PWWP2A: variants seen among roughly 807,000 people sequenced by gnomAD.
PWWP2A encodes PWWP domain containing 2A, also known as PWWP domain-containing protein 2A.
PWWP2A carries 18 observed loss-of-function variants against 48.5 expected under a neutral mutation model. The ratio of observed to expected loss-of-function variants is 0.37; its 90% CI spans 0.26 to 0.55. PWWP2A has a LOEUF of 0.55. PWWP2A is among the 20% of genes least tolerant of loss of function. The probability of loss-of-function intolerance (pLI) is 0.81; values close to 1 mark genes in which losing one functional copy is unlikely to be tolerated. For synonymous variants in PWWP2A, 396 were observed against 387.7 expected, an observed-to-expected ratio of 1.02 and a Z score of -0.25; for missense variants, 867 against 976.4, an observed-to-expected ratio of 0.89 and a Z score of 1.49.
chr5:160,048,646 TA>T, the PWWP2A span, among the ~76,000 whole-genome samples: 4 of 152,174 alleles, frequency 2.6e-5, no homozygotes, highest in Non-Finnish European at 5.9e-5. Context: ...AGGATTTAAC[TA>T]GAAATATAAT....
chr5:160,098,841 G>A (rs1270594824), intron 1 of PWWP2A, among the ~76,000 whole-genome samples: 3 of 152,072 alleles, frequency 2.0e-5, no homozygotes, highest in Admixed American at 1.3e-4. Flanking sequence ...GGTGGTGCAC[G>A]CCTGTAATCC....
chr5:160,113,393 G>A (rs1757789119), intron 1 of PWWP2A: 1 of 918,272 alleles, frequency 1.1e-6, no homozygotes, highest in South Asian at 5.0e-5. Context: ...CAGACTCTTA[G>A]TCATCCACAC....
At position 160,099,079 on chromosome 5, in the gene PWWP2A, T is replaced by C. The variant is rs554799303; in HGVS notation, c.585-5014A>G. On this transcript the variant is annotated intron_variant, in intron 1 of 1. Coordinates refer to ENST00000307063, the MANE Select transcript of PWWP2A (RefSeq NM_001130864.2). Reference sequence around the variant, plus strand: ...AAACATAAATCATAAAACTTTCCTATAGTGGAACTGGAATCTGATATTTTA... The same window carrying C: ...AAACATAAATCATAAAACTTTCCTACAGTGGAACTGGAATCTGATATTTTA... Among the ~76,000 whole-genome samples the C allele has an allele frequency of 3.3e-4, 51 of 152,388 alleles. 1 individual carries two copies. The South Asian group carries it at 9.3e-3, about 28-fold the overall frequency.
the PWWP2A span, among the ~76,000 whole-genome samples, chr5:160,053,418 G>C: frequency 6.6e-6 from 1 of 152,052 alleles, no homozygotes; most frequent in African/African-American, 2.4e-5. Flanking sequence ...AAAAAAATTA[G>C]CCAGGTGTGC....
intron 1 of PWWP2A, among the ~76,000 whole-genome samples, chr5:160,107,838 TAAA>T (rs1561694953): frequency 1.3e-5 from 2 of 152,060 alleles, no homozygotes; most frequent in African/African-American, 4.8e-5. Context: ...CTGTCTCTAC[TAAA>T]AATACAAAAA....
chr5:160,106,279 T>C (rs991087924), intron 1 of PWWP2A, among the ~76,000 whole-genome samples: 1 of 152,236 alleles, frequency 6.6e-6, no homozygotes, highest in African/African-American at 2.4e-5. Context: ...TTATCTACCA[T>C]TTACAATTTT....
chr5:160,069,235 A>T (rs1753686609), intron 2 of PWWP2A, among the ~76,000 whole-genome samples: 2 of 151,994 alleles, frequency 1.3e-5, no homozygotes, highest in African/African-American at 4.8e-5. Context: ...CAGTGAACTG[A>T]GATCATGCCA....
At chr5:160,095,671 A>C (rs1026583916) in intron 1 of PWWP2A, among the ~76,000 whole-genome samples, 1 of 145,228 alleles carries the variant, frequency 6.9e-6, no homozygotes, top group African/African-American at 2.5e-5. Context: ...CAGTGCTCAG[A>C]TTCTCCGAAA....
the PWWP2A span, chr5:160,049,641 T>G: frequency 3.8e-6 from 6 of 1,587,198 alleles, no homozygotes; most frequent in Non-Finnish European, 5.1e-6. Context: ...CATCAATACA[T>G]CAAGCAAGAG....
chr5:160,093,833 G>T lies in PWWP2A; in HGVS notation c.817C>A (p.Pro273Thr). The T allele has an allele frequency of 6.2e-7, 1 of 1,614,042 alleles. No individual in the cohort carries two copies. Among genetic ancestry groups the T allele is most frequent in the Non-Finnish European group, 8.5e-7 (1 of 1,179,884 alleles). ...GTGTCCCTGATAAACAAAGGGGGAG[G>T]ATAAGGTGCTCCTTCATGGAAGAGA... ...PPLFHEGAPY[P>T]PPLFIRDTYN... is the part of the protein sequence containing the mutation. Residue 273 changes from proline (P) to threonine (T), a missense_variant, in exon 2 of 2, where the codon CCT (proline) becomes ACT (threonine). By Grantham distance (38) the Pro-to-Thr change is conservative. Coordinates refer to ENST00000307063, the MANE Select transcript of PWWP2A (RefSeq NM_001130864.2). This position sits in a 1 kb window ranked among gnomAD's most constrained non-coding sequence, Gnocchi z 5.8.
At chr5:160,054,623 A>G in the PWWP2A span, among the ~76,000 whole-genome samples, 2 of 152,140 alleles carry the variant, frequency 1.3e-5, no homozygotes, top group Non-Finnish European at 2.9e-5. Flanking sequence ...GAAAGAAAAA[A>G]GAAAAGAAAA....
downstream of PWWP2A, among the ~76,000 whole-genome samples, chr5:160,073,229 CTT>C (rs749893279): frequency 2.7e-5 from 1 of 37,192 alleles, no homozygotes; most frequent in Non-Finnish European, 6.8e-5. Context: ...AAAAACATTT[CTT>C]TTTTTTTTTT....
At chr5:160,111,390 A>G (rs1581270186) in intron 1 of PWWP2A, among the ~76,000 whole-genome samples, 1 of 150,972 alleles carries the variant, frequency 6.6e-6, no homozygotes, top group Non-Finnish European at 1.5e-5. Context: ...CTGGTCTTGA[A>G]CTCCTGACGT....
intron 1 of PWWP2A, among the ~76,000 whole-genome samples, chr5:160,115,585 C>A (rs1437889770): frequency 6.6e-6 from 1 of 151,394 alleles, no homozygotes; most frequent in African/African-American, 2.4e-5. Flanking sequence ...CCCAGCTACT[C>A]GGGAGGCTGA....
intron 2 of PWWP2A, among the ~76,000 whole-genome samples, chr5:160,069,288 A>T (rs1753687897): frequency 6.8e-6 from 1 of 147,742 alleles, no homozygotes; most frequent in Non-Finnish European, 1.5e-5. Context: ...AACCTATCTA[A>T]AAAAAAAAAG....
chr5:160,099,990 A>G (rs1340196203), intron 1 of PWWP2A, among the ~76,000 whole-genome samples: 1 of 152,018 alleles, frequency 6.6e-6, no homozygotes, highest in Non-Finnish European at 1.5e-5. Context: ...AAGGGGGAAG[A>G]ACACTAGGGT....
chr5:160,061,176 T>C (rs759060061), downstream of PWWP2A, among the ~76,000 whole-genome samples: 7 of 152,246 alleles, frequency 4.6e-5, no homozygotes, highest in Non-Finnish European at 1.0e-4. Flanking sequence ...CTCTGTGCAT[T>C]GGCTCACGCT....
downstream of PWWP2A, chr5:160,075,853 A>C (rs1302209969): frequency 2.0e-5 from 3 of 151,784 alleles, no homozygotes; most frequent in African/African-American, 7.2e-5. Flanking sequence ...TAACTCCTAA[A>C]AAGTAAACAT....
chr5:160,061,571 A>G (rs1753401258), downstream of PWWP2A, among the ~76,000 whole-genome samples: 1 of 152,110 alleles, frequency 6.6e-6, no homozygotes, highest in African/African-American at 2.4e-5. Context: ...CGCAGAGACT[A>G]TTTATTTGTG....
Sources: allele counts gnomAD v4.1 joint callset (sites outside exome capture counted in the v4.1 genomes callset), GRCh38; gene constraint gnomAD v4.1.1; non-coding constraint Gnocchi (gnomAD v3.1); transcripts MANE v1.5; gene names NCBI Gene and HGNC (gene_info 2026-07-23, HGNC 2026-07-21).